The following AGBL4 variants were observed in gnomAD, a reference collection of about 807,000 sequenced individuals.
The protein encoded by AGBL4 is cytosolic carboxypeptidase 6.
AGBL4 carries 58 observed loss-of-function variants against 66.4 expected under a neutral mutation model. The observed-to-expected ratio is 0.87, with a 90% confidence interval of 0.71 to 1.09. The LOEUF is 1.09. Ranked by LOEUF, AGBL4 falls within the 50% of genes least tolerant of loss-of-function variation. The pLI is 0.00. For missense variants in AGBL4, 579 were observed against 631.0 expected (o/e 0.92, Z 0.88); for synonymous variants, 234 against 222.9 (o/e 1.05, Z -0.44).
At chr1:49,823,191 T>C (rs1645413134) in intron 2 of AGBL4, among the ~76,000 whole-genome samples, 1 of 152,232 alleles carries the variant, frequency 6.6e-6, no homozygotes, top group Admixed American at 6.5e-5. Context: ...ATTTATTTGT[T>C]ACAGAAGTCA....
chr1:48,835,293 A>G (rs1164039261), intron 6 of AGBL4, among the ~76,000 whole-genome samples: 1 of 152,174 alleles, frequency 6.6e-6, no homozygotes, highest in Non-Finnish European at 1.5e-5. Flanking sequence ...CAGATTAAAC[A>G]CCTTTTAAGT....
rs1424346685 is a variant in AGBL4, at chr1:49,948,040, A to C, written c.34+75723T>G. Among the ~76,000 whole-genome samples the C allele has an allele frequency of 8.7e-4, 6 of 6,904 alleles. No individual in the cohort carries two copies. The Admixed American group carries it at 0.013, about 15-fold the overall frequency. The allele number at this position is 6,904 out of a possible 152,430, so 4.5% of individuals were successfully genotyped here. A position where few individuals can be genotyped will look rare whatever the true frequency, so the allele number is the denominator to read the frequency against. On this transcript the variant is annotated intron_variant, in intron 1 of 13. Coordinates refer to ENST00000371839, the MANE Select transcript of AGBL4 (RefSeq NM_032785.4). ...TAAATATATATAAATATATATACAT[A>C]TAAATATATAAATATATATATGTAA...
chr1:48,571,800 C>A (rs2148316912), intron 11 of AGBL4, among the ~76,000 whole-genome samples: 1 of 152,322 alleles, frequency 6.6e-6, no homozygotes, highest in Admixed American at 6.5e-5. Context: ...CACCACAAAC[C>A]TTTCCTGTAG....
chr1:49,186,861 C>T (rs186815707), intron 4 of AGBL4, among the ~76,000 whole-genome samples: 31 of 152,134 alleles, frequency 2.0e-4, no homozygotes, highest in African/African-American at 7.0e-4. Context: ...ACAGGTTGAC[C>T]GAAGCCAACC....
chr1:48,719,512 C>T (rs559890405), intron 6 of AGBL4, among the ~76,000 whole-genome samples: 1 of 152,196 alleles, frequency 6.6e-6, no homozygotes. Context: ...CAAAGCCCCA[C>T]CCTTCAGTGT....
chr1:48,718,659 C>A (rs751183467), intron 6 of AGBL4, among the ~76,000 whole-genome samples: 3 of 152,110 alleles, frequency 2.0e-5, no homozygotes, highest in Non-Finnish European at 4.4e-5. Flanking sequence ...ATCTACTTCC[C>A]CACCTGGAGT....
At chr1:49,101,139 A>G (rs1645193156) in intron 4 of AGBL4, among the ~76,000 whole-genome samples, 1 of 151,504 alleles carries the variant, frequency 6.6e-6, no homozygotes, top group Admixed American at 6.6e-5. Flanking sequence ...GTTTTTTCTC[A>G]TGTTTCAAAT....
At chr1:49,326,614 A>G (rs1645233371) in intron 3 of AGBL4, among the ~76,000 whole-genome samples, 2 of 152,212 alleles carry the variant, frequency 1.3e-5, no homozygotes, top group South Asian at 4.1e-4. Context: ...AGAAAGAATG[A>G]GAGAAGGAAG....
At chr1:49,372,628 TTTCTTTCTTTCTTTC>T (rs1390495898) in intron 3 of AGBL4, among the ~76,000 whole-genome samples, 2 of 117,440 alleles carry the variant, frequency 1.7e-5, no homozygotes, top group Non-Finnish European at 3.4e-5. Context: ...TCTTTCTTTC[TTTCTTTCTTTCTTTC>T]TTTCTTTCTT....
At chr1:49,888,443 A>C (rs1009591567) in intron 1 of AGBL4, among the ~76,000 whole-genome samples, 2 of 152,218 alleles carry the variant, frequency 1.3e-5, no homozygotes, top group Non-Finnish European at 1.5e-5. Context: ...CTATTGAGTC[A>C]TATGAGATTC....
chr1:48,714,616 G>C (rs1281461903), intron 6 of AGBL4, among the ~76,000 whole-genome samples: 2 of 151,938 alleles, frequency 1.3e-5, no homozygotes, highest in Non-Finnish European at 2.9e-5. Context: ...CATCATCTAC[G>C]ATTCCACCAG....
At chr1:48,717,601 A>G (rs1054371673) in intron 6 of AGBL4, among the ~76,000 whole-genome samples, 1 of 152,100 alleles carries the variant, frequency 6.6e-6, no homozygotes, top group Non-Finnish European at 1.5e-5. Flanking sequence ...TTTTTCTACC[A>G]TCCTGCATTG....
rs368475680 is a variant in AGBL4 at position 49,938,775 on chromosome 1, A to C, written c.34+84988T>G. Among the ~76,000 whole-genome samples the C allele has an allele frequency of 4.6e-5, 7 of 152,258 alleles. No individual in the cohort carries two copies. The East Asian group carries it at 1.2e-3, about 25-fold the overall frequency. ...GATTATCTCAATAGATGCAGAAAAG[A>C]CCTTTAAGAAAATTCAACAACGCTT... On this transcript the variant is annotated intron_variant, in intron 1 of 13. Transcript: ENST00000371839.
intron 2 of AGBL4, among the ~76,000 whole-genome samples, chr1:49,791,790 A>G (rs1457474856): frequency 1.3e-5 from 2 of 152,060 alleles, no homozygotes; most frequent in Non-Finnish European, 1.5e-5. Context: ...CTTTATTACT[A>G]AATTCTTTCC....
At chr1:49,537,101 A>G (rs991357064) in intron 3 of AGBL4, among the ~76,000 whole-genome samples, 2 of 152,152 alleles carry the variant, frequency 1.3e-5, no homozygotes, top group Non-Finnish European at 2.9e-5. Context: ...TATGCAGAAG[A>G]ATGGAACTGG....
chr1:48,788,259 C>T (rs1645456100), intron 6 of AGBL4, among the ~76,000 whole-genome samples: 1 of 152,200 alleles, frequency 6.6e-6, no homozygotes, highest in Non-Finnish European at 1.5e-5. Context: ...TTCATTCTTA[C>T]CTTCTGAGAT....
intron 8 of AGBL4, among the ~76,000 whole-genome samples, chr1:48,651,638 G>A (rs1645931950): frequency 6.6e-6 from 1 of 152,178 alleles, no homozygotes; most frequent in South Asian, 2.1e-4. Flanking sequence ...CCAATTAAGA[G>A]TGGAAGCAAA....
intron 9 of AGBL4, among the ~76,000 whole-genome samples, chr1:48,631,799 T>G (rs1645598169): frequency 6.6e-6 from 1 of 152,154 alleles, no homozygotes; most frequent in Non-Finnish European, 1.5e-5. Context: ...ACAGTAGGTA[T>G]AAACCAGAAC....
intron 3 of AGBL4, among the ~76,000 whole-genome samples, chr1:49,663,447 G>A (rs78755045): frequency 0.028 from 4,189 of 152,256 alleles, 162 homozygotes; most frequent in African/African-American, 0.095. Flanking sequence ...GATGGATACA[G>A]AAGGCTTTGC....
Sources: allele counts gnomAD v4.1 joint callset (sites outside exome capture counted in the v4.1 genomes callset), GRCh38; gene constraint gnomAD v4.1.1; transcripts MANE v1.5; gene names NCBI Gene and HGNC (gene_info 2026-07-23, HGNC 2026-07-21).